MRC1: variants seen among roughly 807,000 people sequenced by gnomAD.
MRC1 encodes the protein macrophage mannose receptor 1.
In MRC1, 62 loss-of-function variants were observed where a neutral mutation model predicts 102.9. The ratio of observed to expected loss-of-function variants is 0.60; its 90% CI spans 0.49 to 0.74. The LOEUF is 0.74. MRC1 is among the 30% of genes least tolerant of loss of function. MRC1 has a pLI of 0.00. For missense variants in MRC1, 1,237 were observed against 862.8 expected (o/e 1.43, Z -5.43); for synonymous variants, 457 against 298.4 (o/e 1.53, Z -5.48).
At chr10:17,867,806 T>C (rs898701197) in intron 12 of MRC1, among the ~76,000 whole-genome samples, 3 of 152,206 alleles carry the variant, frequency 2.0e-5, no homozygotes, top group Admixed American at 6.5e-5. Context: ...AGAGCCCAAG[T>C]TTTAGCTAAC....
chr10:17,860,576 C>A (rs540147262), intron 9 of MRC1, among the ~76,000 whole-genome samples: 32 of 152,248 alleles, frequency 2.1e-4, no homozygotes, highest in African/African-American at 7.0e-4. Context: ...CTGTGCCTGG[C>A]CATTTCTGTG....
At position 17,866,691 on chromosome 10, in the gene MRC1, C is replaced by A; in HGVS notation, c.1913C>A (p.Pro638His). ...WAEGVTHPPK[P>H]TTTPEPKCPE... ...GAAGGAGTAACCCACCCACCGAAGC[C>A]CACGACGACTCCCGAACCCAAATGT... is the stretch of plus-strand genomic sequence containing the variant. Residue 638 changes from proline to histidine, a missense_variant, in exon 12 of 30, where the codon CCC becomes CAC. Transcript: ENST00000569591. The A allele has an allele frequency of 2.6e-6, 2 of 780,794 alleles. No homozygotes were observed. The highest frequency in any genetic ancestry group is 4.8e-6 in the Non-Finnish European group (2 of 417,954). 48.4% of individuals were successfully genotyped at this position (780,794 alleles called of 1,614,324 possible). A position where few individuals can be genotyped will look rare whatever the true frequency, so the allele number is the denominator to read the frequency against.
intron 22 of MRC1, among the ~76,000 whole-genome samples, chr10:17,891,972 G>A (rs1008626100): frequency 2.6e-5 from 4 of 152,094 alleles, no homozygotes; most frequent in South Asian, 2.1e-4. Flanking sequence ...AGTGCTTCTC[G>A]GTTTTGTTTT....
At chr10:17,843,258 A>T (rs2130629936) in intron 5 of MRC1, among the ~76,000 whole-genome samples, 1 of 152,350 alleles carries the variant, frequency 6.6e-6, no homozygotes, top group East Asian at 1.9e-4. Flanking sequence ...TTTAGTGCTG[A>T]TACCTTATCT....
At chr10:17,882,248 T>C (rs1301201023) in intron 21 of MRC1, among the ~76,000 whole-genome samples, 1 of 152,122 alleles carries the variant, frequency 6.6e-6, no homozygotes, top group African/African-American at 2.4e-5. Context: ...GACCCTCAAG[T>C]TATACAGCTT....
At chr10:17,840,276 G>A (rs900672314) in intron 4 of MRC1, among the ~76,000 whole-genome samples, 3 of 140,312 alleles carry the variant, frequency 2.1e-5, no homozygotes, top group African/African-American at 8.2e-5. Flanking sequence ...TCATGTTAAC[G>A]AAGAAGAGAA....
chr10:17,887,165 A>G lies in MRC1; in HGVS notation c.3147+1730A>G, dbSNP rs921232951. ...ACATTGCTTTTACTCTAGATAAAACATAACTGGTGGTCAGGAGATCGAGAC... is the reference window on the plus strand; with the variant it reads ...ACATTGCTTTTACTCTAGATAAAACGTAACTGGTGGTCAGGAGATCGAGAC... On this transcript the variant is annotated intron_variant, in intron 22 of 29. Coordinates refer to ENST00000569591, the MANE Select transcript of MRC1 (RefSeq NM_002438.4). 7.2e-4 allele frequency among the ~76,000 whole-genome samples: 110 copies of G among 152,252 alleles called. 1 individual carries two copies. The highest frequency in any genetic ancestry group is 2.6e-3 in the African/African-American group (108 of 41,550).
intron 8 of MRC1, among the ~76,000 whole-genome samples, chr10:17,855,571 C>CAA (rs35692453): frequency 0.013 from 533 of 42,026 alleles, 79 homozygotes; most frequent in Middle Eastern, 0.033. Flanking sequence ...GACTCCGTCT[C>CAA]AAAAAAAAAA....
At chr10:17,864,864 G>C (rs1044286286) in intron 11 of MRC1, among the ~76,000 whole-genome samples, 3 of 145,102 alleles carry the variant, frequency 2.1e-5, no homozygotes, top group African/African-American at 7.8e-5. Flanking sequence ...TGGAAACTGA[G>C]ACTCAGGAAG....
Position 17,833,791 on chromosome 10 carries a change from G to A in MRC1, c.754G>A (p.Ala252Thr), listed in dbSNP as rs373055028. The change falls in exon 4 of 30, where the codon GCT becomes ACT. Residue 252 changes from alanine to threonine, a missense_variant. Transcript: ENST00000569591. Reference sequence around the variant, plus strand: ...GAGGAAAAGCTGCCAACAACAGAACGCTGAGCTCCTGAGCATCACAGAGAT... The same window carrying A: ...GAGGAAAAGCTGCCAACAACAGAACACTGAGCTCCTGAGCATCACAGAGAT... Reference protein sequence around the residue: ...QARKSCQQQNAELLSITEIHE... With the variant: ...QARKSCQQQNTELLSITEIHE... 6.4e-6 allele frequency: 5 copies of A among 780,940 alleles called. No homozygotes were observed. The African/African-American group carries it at 6.8e-5, about 11-fold the overall frequency. The allele number at this position is 780,940 out of a possible 1,614,324, so 48.4% of individuals were successfully genotyped here.
chr10:17,867,713 C>T (rs946673898), intron 12 of MRC1, among the ~76,000 whole-genome samples: 1 of 152,178 alleles, frequency 6.6e-6, no homozygotes, highest in African/African-American at 2.4e-5. Flanking sequence ...TGAGCCAGTG[C>T]ACCCAGCCTC....
At chr10:17,848,595 A>G (rs1022929697) in intron 6 of MRC1, among the ~76,000 whole-genome samples, 4 of 152,134 alleles carry the variant, frequency 2.6e-5, no homozygotes, top group African/African-American at 9.7e-5. Flanking sequence ...ATTTACAAGC[A>G]CACTCTCTCT....
chr10:17,908,966 G>A (rs947519267), intron 28 of MRC1, among the ~76,000 whole-genome samples: 1 of 152,126 alleles, frequency 6.6e-6, no homozygotes, highest in Non-Finnish European at 1.5e-5. Context: ...TTACTTATGG[G>A]TAGATTGGGT....
Position 17,875,254 on chromosome 10 carries a change from G to C in MRC1, c.2550+1G>C. The C allele has an allele frequency of 2.6e-6, 2 of 780,112 alleles. No individual in the cohort carries two copies. Among genetic ancestry groups the C allele is most frequent in the Non-Finnish European group, 4.8e-6 (2 of 417,766 alleles). The allele number at this position is 780,112 out of a possible 1,614,324, so 48.3% of individuals were successfully genotyped here. On this transcript the variant is annotated splice_donor_variant, in intron 17 of 29. Coordinates refer to ENST00000569591, the MANE Select transcript of MRC1 (RefSeq NM_002438.4). LOFTEE classifies it high-confidence loss of function. ...TGAAAAGAAGTTTCTATGGAAATAT[G>C]TAAGGACATCAATCATTTTTTAAAA...
rs978721929 is a variant in MRC1 at position 17,859,084 on chromosome 10, A to G, written c.1519-2303A>G. Among the ~76,000 whole-genome samples the G allele has an allele frequency of 1.9e-4, 29 of 152,238 alleles. 1 individual carries two copies. The East Asian group carries it at 5.6e-3, about 29-fold the overall frequency. On this transcript the variant is annotated intron_variant, in intron 9 of 29. Transcript: ENST00000569591. ...TATGAAACCCTGATTACTATATTTA[A>G]TCTGACCATTGAGTTTTTAACTTCA...
chr10:17,834,395 G>A (rs1838629413), intron 4 of MRC1, among the ~76,000 whole-genome samples: 1 of 151,996 alleles, frequency 6.6e-6, no homozygotes, highest in African/African-American at 2.4e-5. Context: ...TTTTGATGTT[G>A]TTTTGTTTTG....
rs956811090 is a variant in MRC1, at chr10:17,855,383, A to T, written c.1408-859A>T. On this transcript the variant is annotated intron_variant, in intron 8 of 29. Transcript: ENST00000569591. ...TCGGGAGATCGAGACCATCCTGGCT[A>T]ACACGGTGAAACCCCGTCTCTACTA... Among the ~76,000 whole-genome samples, 193 of 151,986 alleles carry T rather than the reference A, an allele frequency of 1.3e-3. 3 individuals carry two copies. The highest frequency in any genetic ancestry group is 4.6e-3 in the African/African-American group (191 of 41,486).
chr10:17,824,371 G>A (rs1838442344), intron 2 of MRC1, among the ~76,000 whole-genome samples: 1 of 152,126 alleles, frequency 6.6e-6, no homozygotes, highest in Non-Finnish European at 1.5e-5. Flanking sequence ...CTACTTTTGG[G>A]GACAAGAGAT....
At chr10:17,866,827 G>A in intron 12 of MRC1, 66 bp downstream of exon 12, 1 of 779,366 alleles carries the variant, frequency 1.3e-6, no homozygotes, top group South Asian at 1.3e-5. Context: ...AATCATCTAA[G>A]GACATAGAAA....
Sources: gnomAD v4.1 joint callset for allele counts (sites outside exome capture counted in the v4.1 genomes callset) on GRCh38, gnomAD v4.1.1 for gene constraint, MANE v1.5 for transcripts, NCBI Gene and HGNC (gene_info 2026-07-23, HGNC 2026-07-21) for gene names.